DTNA: variants seen among roughly 807,000 people sequenced by gnomAD.
The protein encoded by DTNA is dystrobrevin alpha.
In DTNA, 43 loss-of-function variants were observed where a neutral mutation model predicts 100.7. That is an observed-to-expected ratio of 0.43 (90% CI 0.33 to 0.55). DTNA has a LOEUF of 0.55. DTNA is among the 20% of genes least tolerant of loss of function. The probability of loss-of-function intolerance (pLI) is 0.04; values close to 1 mark genes in which losing one functional copy is unlikely to be tolerated. For missense variants in DTNA, 798 were observed against 953.9 expected, an observed-to-expected ratio of 0.84 and a Z score of 2.15; for synonymous variants, 349 against 347.9, an observed-to-expected ratio of 1.00 and a Z score of -0.04.
At chr18:34,669,289 C>G (rs906556358) in intron 1 of DTNA, among the ~76,000 whole-genome samples, 1 of 152,102 alleles carries the variant, frequency 6.6e-6, no homozygotes, top group Non-Finnish European at 1.5e-5. Context: ...GTAGATCTTC[C>G]TCCGTCCCTT....
chr18:34,586,193 A>G (rs2049118519), intron 1 of DTNA, among the ~76,000 whole-genome samples: 1 of 152,178 alleles, frequency 6.6e-6, no homozygotes, highest in Non-Finnish European at 1.5e-5. Context: ...TTGGAGAAAA[A>G]CTGTTCCCAA....
At chr18:34,742,629 T>TTCTATTAACTATCTAGATAGATAGATAA (rs2090874156) in intron 1 of DTNA, among the ~76,000 whole-genome samples, 1 of 137,690 alleles carries the variant, frequency 7.3e-6, no homozygotes, top group African/African-American at 2.8e-5. Context: ...TCTGATTATC[T>TTCTATTAACTATCTAGATAGATAGATAA]TCTATTATCT....
intron 8 of DTNA, among the ~76,000 whole-genome samples, chr18:34,819,683 A>G (rs1359957457): frequency 6.6e-6 from 1 of 152,136 alleles, no homozygotes; most frequent in Non-Finnish European, 1.5e-5. Flanking sequence ...TGTACAAAGA[A>G]GGATCAGACT....
At chr18:34,653,364 A>G (rs1166892874) in intron 1 of DTNA, among the ~76,000 whole-genome samples, 2 of 152,128 alleles carry the variant, frequency 1.3e-5, no homozygotes, top group Non-Finnish European at 2.9e-5. Flanking sequence ...AGGCACACCA[A>G]TCTAATTTGT....
At chr18:34,749,197 A>G (rs2092028721) in intron 1 of DTNA, among the ~76,000 whole-genome samples, 1 of 152,128 alleles carries the variant, frequency 6.6e-6, no homozygotes, top group Non-Finnish European at 1.5e-5. Flanking sequence ...GAATTTATTT[A>G]TCAGATCTAG....
chr18:34,866,355 A>G, intron 17 of DTNA: 6 of 1,415,602 alleles, frequency 4.2e-6, no homozygotes, highest in Non-Finnish European at 4.6e-6. Flanking sequence ...AAGAACTATG[A>G]CATCTTTTAG....
chr18:34,600,590 T>C (rs1363549462), intron 1 of DTNA, among the ~76,000 whole-genome samples: 1 of 152,220 alleles, frequency 6.6e-6, no homozygotes, highest in African/African-American at 2.4e-5. Context: ...CTTCCAGGTC[T>C]TAGATTGTTC....
intron 1 of DTNA, among the ~76,000 whole-genome samples, chr18:34,559,710 G>A (rs2146196925): frequency 1.3e-5 from 2 of 152,248 alleles, no homozygotes; most frequent in East Asian, 3.9e-4. Context: ...CCTTACTGTA[G>A]TTCCTCCTGA....
At chr18:34,674,050 G>A (rs1368258743) in intron 1 of DTNA, among the ~76,000 whole-genome samples, 1 of 152,192 alleles carries the variant, frequency 6.6e-6, no homozygotes, top group Non-Finnish European at 1.5e-5. Context: ...ATGAATTATA[G>A]ATGCACAACC....
At chr18:34,658,722 C>T (rs572359911) in intron 1 of DTNA, among the ~76,000 whole-genome samples, 1 of 152,166 alleles carries the variant, frequency 6.6e-6, no homozygotes, top group African/African-American at 2.4e-5. Context: ...TTACCACCAC[C>T]AAAGCAGTGT....
chr18:34,862,805 A>C (rs1437343023), intron 16 of DTNA, among the ~76,000 whole-genome samples: 1 of 152,176 alleles, frequency 6.6e-6, no homozygotes, highest in South Asian at 2.1e-4. Flanking sequence ...GTCTCTAAAA[A>C]AAAATAGAAA....
intron 17 of DTNA, chr18:34,868,041 A>G (rs1238030132): frequency 1.0e-6 from 1 of 975,186 alleles, no homozygotes; most frequent in Non-Finnish European, 1.2e-6. Flanking sequence ...CAAAAGATAT[A>G]AACAGTGACT....
At chr18:34,815,781 C>A in intron 6 of DTNA, 128 bp from the exon 7 acceptor site, 1 of 855,510 alleles carries the variant, frequency 1.2e-6, no homozygotes, top group Non-Finnish European at 1.9e-6. Context: ...TTGGCAAGTT[C>A]TGTTTCTTCA....
chr18:34,807,417 C>G (rs550538110), intron 5 of DTNA, among the ~76,000 whole-genome samples: 1 of 152,292 alleles, frequency 6.6e-6, no homozygotes, highest in East Asian at 1.9e-4. Context: ...CCCATAGAAT[C>G]ACACCTGGCT....
intron 1 of DTNA, among the ~76,000 whole-genome samples, chr18:34,754,445 G>T (rs1239254324): frequency 1.3e-5 from 2 of 152,088 alleles, no homozygotes; most frequent in Non-Finnish European, 2.9e-5. Flanking sequence ...TAAGCACCTT[G>T]AGGACAAGCA....
intron 3 of DTNA, chr18:34,767,707 T>A (rs540071906): frequency 6.6e-5 from 10 of 152,238 alleles, no homozygotes; most frequent in African/African-American, 2.4e-4. Flanking sequence ...GCCACCTCAC[T>A]CCTGTGATTA....
intron 1 of DTNA, among the ~76,000 whole-genome samples, chr18:34,735,230 G>A (rs368815511): frequency 5.9e-5 from 9 of 152,172 alleles, no homozygotes; most frequent in Admixed American, 2.0e-4. Flanking sequence ...TCCTTTTCAC[G>A]TTTTTCTGCC....
At chr18:34,758,983 A>G (rs1165886469) in intron 2 of DTNA, among the ~76,000 whole-genome samples, 1 of 152,230 alleles carries the variant, frequency 6.6e-6, no homozygotes, top group East Asian at 1.9e-4. Flanking sequence ...CAGCAAAGAA[A>G]TGAAATTAAG....
chr18:34,739,592 G>A (rs558612071), intron 1 of DTNA, among the ~76,000 whole-genome samples: 5 of 152,186 alleles, frequency 3.3e-5, no homozygotes, highest in East Asian at 1.9e-4. Flanking sequence ...CCTCACCTCC[G>A]CAATCCCTGA....
Sources: allele counts gnomAD v4.1 joint callset (sites outside exome capture counted in the v4.1 genomes callset), GRCh38; gene constraint gnomAD v4.1.1; transcripts MANE v1.5; gene names NCBI Gene and HGNC (gene_info 2026-07-23, HGNC 2026-07-21).